The following ZC3H18 variants were observed in gnomAD, a reference collection of about 807,000 sequenced individuals.
The protein encoded by ZC3H18 is zinc finger CCCH-type containing 18, also known as zinc finger CCCH domain-containing protein 18.
Under a neutral mutation model 106.1 loss-of-function variants are expected in ZC3H18, and 8 were observed. The ratio of observed to expected loss-of-function variants is 0.08; its 90% confidence interval spans 0.04 to 0.14. The LOEUF is 0.14. ZC3H18 is among the 10% of genes least tolerant of loss of function. ZC3H18 has a pLI of 1.00. For missense variants in ZC3H18, 1,318 were observed against 1,278.4 expected (o/e 1.03, Z -0.47); for synonymous variants, 635 against 522.1 (o/e 1.22, Z -2.95).
intron 2 of ZC3H18, among the ~76,000 whole-genome samples, chr16:88,581,061 G>T (rs1369349568): frequency 1.3e-5 from 2 of 152,192 alleles, no homozygotes; most frequent in Non-Finnish European, 2.9e-5. Flanking sequence ...CTACCCCTTG[G>T]CACCCTGGTC....
Position 88,577,576 on chromosome 16 carries a change from G to A in ZC3H18, c.453G>A (p.Gly151=). ...AGGAGGACGAGGCTGAGAAAGCGGG[G>A]GCTGAGGATGATGAGGAGAAAGGCG... is the stretch of plus-strand genomic sequence containing the variant. ...AVQEDEAEKA[G]AEDDEEKGEG... The change falls in exon 2 of 18, where the codon GGG becomes GGA. Residue 151 remains glycine (G), a synonymous_variant. Coordinates refer to ENST00000301011, the MANE Select transcript of ZC3H18 (RefSeq NM_144604.4). The A allele has an allele frequency of 1.2e-6, 2 of 1,613,652 alleles. No homozygotes were observed. The highest frequency in any genetic ancestry group is 1.3e-5 in the African/African-American group (1 of 75,038).
At position 88,599,879 on chromosome 16, in the gene ZC3H18, A is replaced by C; in HGVS notation, c.1019A>C (p.Glu340Ala). 6.2e-7 allele frequency: 1 copy of C among 1,614,242 alleles called. No individual in the cohort carries two copies. Among genetic ancestry groups the C allele is most frequent in the Non-Finnish European group, 8.5e-7 (1 of 1,180,042 alleles). Residue 340 changes from glutamate to alanine, a missense_variant, in exon 6 of 18, where the codon GAA becomes GCA. Glu to Ala is a moderately radical substitution (Grantham distance 107). Around this residue, in one of 6 missense-constraint regions of ZC3H18, gnomAD observed 848 missense variants for 821.7 expected, o/e 1.03. Transcript: ENST00000301011. ...GTGACCATTGGCGAAGACGAACGGGAATTTGACAAAGAAAATGAAGTTTTT... is the reference window on the plus strand; with the variant it reads ...GTGACCATTGGCGAAGACGAACGGGCATTTGACAAAGAAAATGAAGTTTTT... ...FTVTIGEDER[E>A]FDKENEVFRD...
chr16:88,576,598 A>G (rs900271061), intron 1 of ZC3H18, among the ~76,000 whole-genome samples: 1 of 152,212 alleles, frequency 6.6e-6, no homozygotes, highest in Non-Finnish European at 1.5e-5. Context: ...AAGTGTGTTC[A>G]GTAACAGAAA....
chr16:88,599,989 A>G lies in ZC3H18; in HGVS notation c.1088+41A>G, dbSNP rs745696334. ...GCCTGCCCCTCCGTTTCCTTCCTGC[A>G]TGCGGCCACGCTCCGGAGAGAGCAG... is the stretch of plus-strand genomic sequence containing the variant. On this transcript the variant is annotated intron_variant, in intron 6 of 17. Coordinates refer to ENST00000301011, the MANE Select transcript of ZC3H18 (RefSeq NM_144604.4). 5.0e-6 allele frequency: 8 copies of G among 1,607,314 alleles called. No individual in the cohort carries two copies. The African/African-American group carries it at 8.0e-5, about 16-fold the overall frequency.
intron 3 of ZC3H18, among the ~76,000 whole-genome samples, chr16:88,590,257 AGCTTT>A (rs1463372637): frequency 6.6e-5 from 10 of 152,292 alleles, no homozygotes; most frequent in Admixed American, 1.3e-4. Flanking sequence ...GGCCTCTCTT[AGCTTT>A]ATCTCCGACA....
In ZC3H18 at chr16:88,630,474, C is replaced by G; in HGVS notation, c.2567-11C>G. 4 of 1,611,494 alleles carry G rather than the reference C, an allele frequency of 2.5e-6. No individual in the cohort carries two copies. Among genetic ancestry groups the G allele is most frequent in the Non-Finnish European group, 3.4e-6 (4 of 1,178,784 alleles). ...TCAGGAGGGTGGTCTCACTCTGTACCTATCACCCAGGTTCTCGGGACCGGA... is the reference window on the plus strand; with the variant it reads ...TCAGGAGGGTGGTCTCACTCTGTACGTATCACCCAGGTTCTCGGGACCGGA... On this transcript the variant is annotated splice_polypyrimidine_tract_variant and intron_variant, in intron 16 of 17. Transcript: ENST00000301011.
At chr16:88,584,598 T>C (rs1020324334) in intron 2 of ZC3H18, among the ~76,000 whole-genome samples, 2 of 152,194 alleles carry the variant, frequency 1.3e-5, no homozygotes, top group African/African-American at 2.4e-5. Flanking sequence ...GTACAGCCCC[T>C]GGTCCTTGCG....
intron 3 of ZC3H18, among the ~76,000 whole-genome samples, chr16:88,587,828 G>A (rs1233107709): frequency 6.6e-6 from 1 of 152,174 alleles, no homozygotes; most frequent in Non-Finnish European, 1.5e-5. Flanking sequence ...GTGTGGCGGA[G>A]TCCCATCATT....
chr16:88,594,127 C>T (rs1319499494), intron 3 of ZC3H18, among the ~76,000 whole-genome samples: 1 of 152,188 alleles, frequency 6.6e-6, no homozygotes, highest in Non-Finnish European at 1.5e-5. Flanking sequence ...GCTTGAGCCA[C>T]AGCGGCCCTT....
At chr16:88,613,288 T>G (rs1905375369) in intron 8 of ZC3H18, among the ~76,000 whole-genome samples, 1 of 152,262 alleles carries the variant, frequency 6.6e-6, no homozygotes, top group Non-Finnish European at 1.5e-5. Context: ...TTCCAGCTTT[T>G]GGCTGTTGTG....
At position 88,627,761 on chromosome 16, in the gene ZC3H18, G is replaced by A. The variant is rs1266088191; in HGVS notation, c.2248G>A (p.Ala750Thr). The A allele has an allele frequency of 1.2e-6, 2 of 1,612,324 alleles. No individual in the cohort carries two copies. The highest frequency in any genetic ancestry group is 1.7e-4 in the Middle Eastern group (1 of 6,056). ...SSASSRSPAPAQTRKEKGKSK... is the reference protein window; with the variant it reads ...SSASSRSPAPTQTRKEKGKSK... ...AGCCAGCTCTCGGTCCCCGGCCCCA[G>A]CCCAGACCAGGAAGGAGAAAGGTAC... Residue 750 changes from alanine (A) to threonine (T), a missense_variant, in exon 14 of 18, where the codon GCC (alanine) becomes ACC (threonine). By Grantham distance (58) the Ala-to-Thr change is moderately conservative. Coordinates refer to ENST00000301011, the MANE Select transcript of ZC3H18 (RefSeq NM_144604.4). This position sits in a 1 kb window ranked among gnomAD's most constrained non-coding sequence, Gnocchi z 4.5.
chr16:88,601,055 A>G (rs1156654783), intron 6 of ZC3H18, among the ~76,000 whole-genome samples: 1 of 152,246 alleles, frequency 6.6e-6, no homozygotes, highest in East Asian at 1.9e-4. Context: ...TGGCCCTGCA[A>G]GGCCCTTCTC....
chr16:88,585,137 G>C (rs1195221136), intron 2 of ZC3H18, among the ~76,000 whole-genome samples: 1 of 152,096 alleles, frequency 6.6e-6, no homozygotes, highest in Non-Finnish European at 1.5e-5. Context: ...TGCCTTCTCT[G>C]ATCATTTCTT....
chr16:88,598,494 G>C lies in ZC3H18; in HGVS notation c.838-126G>C, dbSNP rs1489936273. On this transcript the variant is annotated intron_variant, in intron 4 of 17. Transcript: ENST00000301011. ...CCTCGGCTTTCCGAGGACGGAGTGAGGCTTGGTGGAAGGAGAGCGGCCACA... is the reference window on the plus strand; with the variant it reads ...CCTCGGCTTTCCGAGGACGGAGTGACGCTTGGTGGAAGGAGAGCGGCCACA... The C allele has an allele frequency of 4.1e-6, 6 of 1,453,284 alleles. No homozygotes were observed. The African/African-American group carries it at 7.0e-5, about 17-fold the overall frequency. The allele number at this position is 1,453,284 out of a possible 1,614,324, so 90.0% of individuals were successfully genotyped here.
At chr16:88,615,232 T>G (rs1905521844) in intron 8 of ZC3H18, among the ~76,000 whole-genome samples, 1 of 142,916 alleles carries the variant, frequency 7.0e-6, no homozygotes, top group Non-Finnish European at 1.5e-5. Flanking sequence ...CCCCACCTCC[T>G]CCGTTCCCTC....
At chr16:88,589,106 A>G (rs1164953069) in intron 3 of ZC3H18, among the ~76,000 whole-genome samples, 1 of 152,186 alleles carries the variant, frequency 6.6e-6, no homozygotes, top group African/African-American at 2.4e-5. Context: ...GTTTATATGA[A>G]ATTGAAATTC....
In ZC3H18 at chr16:88,577,363, C is replaced by G; in HGVS notation, c.240C>G (p.Asp80Glu). The G allele has an allele frequency of 1.3e-6, 2 of 1,599,618 alleles. No homozygotes were observed. Among genetic ancestry groups the G allele is most frequent in the Admixed American group, 1.7e-5 (1 of 58,972 alleles). Reference protein sequence around the residue: ...EDRASEPKSQDQDSEVNELSR... With the variant: ...EDRASEPKSQEQDSEVNELSR... ...GGGCAAGTGAGCCTAAATCCCAAGA[C>G]CAGGACTCAGAGGTGAATGAGCTGA... is the stretch of plus-strand genomic sequence containing the variant. Residue 80 changes from aspartate (D) to glutamate (E), a missense_variant, in exon 2 of 18, where the codon GAC becomes GAG. Asp to Glu is a conservative substitution (Grantham distance 45). Coordinates refer to ENST00000301011, the MANE Select transcript of ZC3H18 (RefSeq NM_144604.4).
chr16:88,595,700 G>A (rs1348633198), intron 3 of ZC3H18, among the ~76,000 whole-genome samples: 2 of 151,266 alleles, frequency 1.3e-5, no homozygotes, highest in South Asian at 2.1e-4. Flanking sequence ...CCAGCTACTC[G>A]GGAGGCTGAG....
intron 3 of ZC3H18, among the ~76,000 whole-genome samples, chr16:88,592,275 G>A (rs1915801186): frequency 2.0e-5 from 3 of 152,036 alleles, no homozygotes. Context: ...GATGGGTGGT[G>A]GGGTGTCTTT....
Sources: allele counts gnomAD v4.1 joint callset (sites outside exome capture counted in the v4.1 genomes callset), GRCh38; gene constraint gnomAD v4.1.1; regional missense constraint gnomAD v4.1.1; non-coding constraint Gnocchi (gnomAD v3.1); transcripts MANE v1.5; gene names NCBI Gene and HGNC (gene_info 2026-07-23, HGNC 2026-07-21).